The following TENM3 variants were observed in gnomAD, a reference collection of about 807,000 sequenced individuals.
TENM3 encodes teneurin transmembrane protein 3.
In TENM3, 63 loss-of-function variants were observed where a neutral mutation model predicts 255.1. The ratio of observed to expected loss-of-function variants is 0.25; its 90% confidence interval spans 0.20 to 0.30. The LOEUF (loss-of-function observed/expected upper bound fraction) is 0.30. Among genes scored for constraint, TENM3 ranks in the 10% least tolerant of loss-of-function variants. The pLI, the probability that TENM3 is intolerant of heterozygous loss-of-function variation, is 1.00. For missense variants in TENM3, 2,929 were observed against 3,461.1 expected (o/e 0.85, Z 3.86); for synonymous variants, 1,306 against 1,322.3 (o/e 0.99, Z 0.27).
intron 3 of TENM3, among the ~76,000 whole-genome samples, chr4:182,475,205 C>T (rs1733557507): frequency 6.6e-6 from 1 of 152,078 alleles, no homozygotes; most frequent in East Asian, 1.9e-4. Context: ...ATCTTTAAGT[C>T]GTTTCATTTC....
intron 6 of TENM3, among the ~76,000 whole-genome samples, chr4:182,670,113 G>A (rs1755073174): frequency 6.6e-6 from 1 of 151,944 alleles, no homozygotes; most frequent in Admixed American, 6.6e-5. Context: ...ATCTCTGGGT[G>A]GTAGCATTAT....
At chr4:182,442,765 T>C (rs928732885) in intron 3 of TENM3, among the ~76,000 whole-genome samples, 1 of 132,006 alleles carries the variant, frequency 7.6e-6, no homozygotes, top group African/African-American at 3.0e-5. Context: ...CTAATTTGTG[T>C]GTGTGTGTGT....
the TENM3 span, among the ~76,000 whole-genome samples, chr4:181,658,787 G>A: frequency 1.3e-5 from 2 of 152,078 alleles, no homozygotes; most frequent in African/African-American, 4.8e-5. Context: ...AAACAAACAA[G>A]CAAAACAAAA....
chr4:181,817,678 G>A, the TENM3 span, among the ~76,000 whole-genome samples: 46 of 152,258 alleles, frequency 3.0e-4, no homozygotes, highest in South Asian at 1.5e-3. Flanking sequence ...AGGGTCTGAT[G>A]GAGGGAGCTC....
At chr4:182,751,371 T>G (rs749923427) in intron 19 of TENM3, among the ~76,000 whole-genome samples, 6 of 152,228 alleles carry the variant, frequency 3.9e-5, no homozygotes, top group Non-Finnish European at 7.3e-5. Flanking sequence ...GCGGAATCAG[T>G]AGTATATTGT....
the TENM3 span, among the ~76,000 whole-genome samples, chr4:181,531,113 A>G: frequency 6.6e-6 from 1 of 152,168 alleles, no homozygotes; most frequent in African/African-American, 2.4e-5. Flanking sequence ...CTTCAATTAC[A>G]TGTGTAAATG....
chr4:182,728,425 A>T (rs1422790995), intron 13 of TENM3, among the ~76,000 whole-genome samples: 3 of 152,074 alleles, frequency 2.0e-5, no homozygotes, highest in Non-Finnish European at 2.9e-5. Flanking sequence ...TTTATTTCTT[A>T]CTCAGAACAA....
At chr4:182,219,170 C>T (rs1326867489) in intron 1 of TENM3, among the ~76,000 whole-genome samples, 2 of 152,036 alleles carry the variant, frequency 1.3e-5, no homozygotes, top group African/African-American at 2.4e-5. Flanking sequence ...TGCAGTGAGT[C>T]GAAATCACGC....
chr4:182,006,292 C>G, the TENM3 span, among the ~76,000 whole-genome samples: 3 of 152,170 alleles, frequency 2.0e-5, no homozygotes, highest in Middle Eastern at 6.8e-3. Context: ...AACAGTTTCA[C>G]AAGAAGTGGT....
chr4:182,258,132 G>A (rs191991096), intron 1 of TENM3, among the ~76,000 whole-genome samples: 1 of 152,096 alleles, frequency 6.6e-6, no homozygotes, highest in East Asian at 1.9e-4. Flanking sequence ...ATAGAATCAT[G>A]TATATAGCAT....
intron 3 of TENM3, among the ~76,000 whole-genome samples, chr4:182,538,846 C>T (rs1740590851): frequency 6.6e-6 from 1 of 151,984 alleles, no homozygotes; most frequent in South Asian, 2.1e-4. Context: ...GTACCATTTT[C>T]TGAAAGGGGG....
At chr4:182,406,197 T>C (rs1447099160) in intron 3 of TENM3, among the ~76,000 whole-genome samples, 8 of 151,882 alleles carry the variant, frequency 5.3e-5, no homozygotes, top group Non-Finnish European at 1.0e-4. Flanking sequence ...CCCAGCTACT[T>C]GGGAGGCCGA....
chr4:182,081,010 T>C, the TENM3 span, among the ~76,000 whole-genome samples: 1 of 151,758 alleles, frequency 6.6e-6, no homozygotes, highest in Admixed American at 6.6e-5. Flanking sequence ...CAAAGACGAC[T>C]AAGTATCGCT....
At chr4:181,641,819 T>C in the TENM3 span, among the ~76,000 whole-genome samples, 3 of 115,980 alleles carry the variant, frequency 2.6e-5, no homozygotes, top group East Asian at 2.7e-4. Context: ...TATATATATA[T>C]ATATATATAT....
chr4:182,539,060 G>A (rs1036239078), intron 3 of TENM3, among the ~76,000 whole-genome samples: 11 of 151,686 alleles, frequency 7.3e-5, no homozygotes, highest in South Asian at 4.2e-4. Context: ...GACACTGTGC[G>A]TATAGATGAG....
At chr4:182,050,325 C>A in the TENM3 span, among the ~76,000 whole-genome samples, 2 of 151,848 alleles carry the variant, frequency 1.3e-5, no homozygotes, top group African/African-American at 4.8e-5. Context: ...TTGTGTGTAT[C>A]CCTTGTTGGA....
Position 182,799,252 on chromosome 4 carries a change from G to A in TENM3, c.7345-344G>A, listed in dbSNP as rs764057230. Among the ~76,000 whole-genome samples the A allele has an allele frequency of 2.0e-4, 31 of 152,230 alleles. No individual in the cohort carries two copies. The highest frequency in any genetic ancestry group is 1.4e-3 in the Admixed American group (21 of 15,288). ...GAGAAAGCTACGAGCATGCAGATCC[G>A]GATGAGCTGGGTTCCCCACGTGGGG... On this transcript the variant is annotated intron_variant, in intron 27 of 27. Transcript: ENST00000511685. This position sits in a 1 kb window ranked among gnomAD's most constrained non-coding sequence, Gnocchi z 4.2.
At chr4:182,630,152 G>A (rs746750213) in intron 5 of TENM3, among the ~76,000 whole-genome samples, 1 of 152,028 alleles carries the variant, frequency 6.6e-6, no homozygotes, top group Non-Finnish European at 1.5e-5. Flanking sequence ...TTACCTTTCT[G>A]TCATCTTTTA....
chr4:182,312,643 A>G lies in TENM3; in HGVS notation c.-75-11303A>G, dbSNP rs575045634. 5.3e-5 allele frequency among the ~76,000 whole-genome samples: 8 copies of G among 152,364 alleles called. No individual in the cohort carries two copies. The South Asian group carries it at 1.7e-3, about 32-fold the overall frequency. ...GATATTATTACTGGCAAAATTTTCAAAGTCCTGGCTCATGCCGAAGCGCAG... is the reference window on the plus strand; with the variant it reads ...GATATTATTACTGGCAAAATTTTCAGAGTCCTGGCTCATGCCGAAGCGCAG... On this transcript the variant is annotated intron_variant, in intron 1 of 27. Coordinates refer to ENST00000511685, the MANE Select transcript of TENM3 (RefSeq NM_001080477.4).
Sources: allele counts gnomAD v4.1 joint callset (sites outside exome capture counted in the v4.1 genomes callset), GRCh38; gene constraint gnomAD v4.1.1; non-coding constraint Gnocchi (gnomAD v3.1); transcripts MANE v1.5; gene names NCBI Gene and HGNC (gene_info 2026-07-23, HGNC 2026-07-21).